Variants in MED13L observed in about 807,000 individuals in gnomAD.
MED13L encodes mediator complex subunit 13L, also known as mediator of RNA polymerase II transcription subunit 13-like.
A neutral mutation model predicts 220.9 loss-of-function variants in MED13L; 7 were observed. That is an observed-to-expected ratio of 0.03 (90% CI 0.02 to 0.06). The LOEUF (loss-of-function observed/expected upper bound fraction) is 0.06. Ranked by LOEUF, MED13L falls within the 10% of genes least tolerant of loss-of-function variation. The pLI, the probability that MED13L is intolerant of heterozygous loss-of-function variation, is 1.00. For synonymous variants in MED13L, 1,011 were observed against 1,015.2 expected, an observed-to-expected ratio of 1.00 and a Z score of 0.08; for missense variants, 1,965 against 2,760.5, an observed-to-expected ratio of 0.71 and a Z score of 6.46.
chr12:116,157,138 C>A (rs1210562869), intron 2 of MED13L, among the ~76,000 whole-genome samples: 1 of 152,126 alleles, frequency 6.6e-6, no homozygotes, highest in Non-Finnish European at 1.5e-5. Flanking sequence ...AATCAAAAAA[C>A]TTTTTCATCT....
At chr12:116,214,220 T>C (rs994317811) in intron 2 of MED13L, among the ~76,000 whole-genome samples, 1 of 152,324 alleles carries the variant, frequency 6.6e-6, no homozygotes, top group African/African-American at 2.4e-5. Context: ...AACTTTTCAC[T>C]TTTTCATCGA....
chr12:116,010,779 T>C (rs1290572169), intron 9 of MED13L, among the ~76,000 whole-genome samples: 1 of 152,036 alleles, frequency 6.6e-6, no homozygotes. Context: ...ACAGATTACA[T>C]CTAACAAGTC....
chr12:115,999,095 G>C (rs951304534), intron 14 of MED13L, among the ~76,000 whole-genome samples: 1 of 152,058 alleles, frequency 6.6e-6, no homozygotes, highest in Non-Finnish European at 1.5e-5. Flanking sequence ...TTAAAACAAA[G>C]CCAAGATCTT....
chr12:116,193,258 C>G (rs572967579), intron 2 of MED13L, among the ~76,000 whole-genome samples: 15 of 152,292 alleles, frequency 9.8e-5, no homozygotes, highest in Non-Finnish European at 1.9e-4. Context: ...CTGCAGTGAG[C>G]TACGATCATG....
chr12:115,974,495 G>A (rs1876801163), intron 25 of MED13L, among the ~76,000 whole-genome samples: 1 of 152,194 alleles, frequency 6.6e-6, no homozygotes, highest in Non-Finnish European at 1.5e-5. Flanking sequence ...GATAGTAAAT[G>A]AGCTGGGCTC....
At chr12:116,108,311 C>T (rs999256013) in intron 3 of MED13L, among the ~76,000 whole-genome samples, 33 of 146,670 alleles carry the variant, frequency 2.2e-4, no homozygotes, top group Admixed American at 1.4e-4. Context: ...TTTGGCTTCC[C>T]TGTGTCTCAT....
At chr12:116,031,718 A>C (rs1415563092) in intron 4 of MED13L, among the ~76,000 whole-genome samples, 1 of 79,200 alleles carries the variant, frequency 1.3e-5, no homozygotes, top group Non-Finnish European at 2.3e-5. Flanking sequence ...AAGAAAAGAA[A>C]AGAAAAGAAA....
chr12:116,008,339 A>T, intron 10 of MED13L, 62 bp downstream of exon 10: 1 of 1,533,824 alleles, frequency 6.5e-7, no homozygotes, highest in East Asian at 2.3e-5. Flanking sequence ...TAGCAGGTAG[A>T]GATGGGGAGG....
At chr12:115,990,349 G>C (rs985584782) in intron 17 of MED13L, among the ~76,000 whole-genome samples, 2 of 152,126 alleles carry the variant, frequency 1.3e-5, no homozygotes, top group African/African-American at 2.4e-5. Context: ...TTTAATTGAT[G>C]TCCACTTCCA....
chr12:116,098,042 C>T (rs988360453), intron 3 of MED13L, among the ~76,000 whole-genome samples: 4 of 152,044 alleles, frequency 2.6e-5, no homozygotes, highest in Non-Finnish European at 4.4e-5. Context: ...GTCAGGAGTT[C>T]GAGACTAGCC....
intron 1 of MED13L, among the ~76,000 whole-genome samples, chr12:116,239,339 A>G (rs1870397435): frequency 1.3e-5 from 2 of 152,186 alleles, no homozygotes; most frequent in Admixed American, 1.3e-4. Flanking sequence ...ATATAAAAGC[A>G]CTACATGGCC....
chr12:116,097,754 G>GT (rs1051087270), intron 3 of MED13L, among the ~76,000 whole-genome samples: 2 of 152,082 alleles, frequency 1.3e-5, no homozygotes, highest in Non-Finnish European at 1.5e-5. Flanking sequence ...ATTCTAACAT[G>GT]TTTTTTTGAA....
chr12:116,062,491 T>G (rs1009555315), intron 4 of MED13L, among the ~76,000 whole-genome samples: 210 of 143,828 alleles, frequency 1.5e-3, no homozygotes, highest in African/African-American at 4.4e-3. Flanking sequence ...TCTCTGTGTT[T>G]TTTTTTTTTT....
At chr12:115,966,055 A>G in intron 29 of MED13L, 27 bp downstream of exon 29, 2 of 1,612,900 alleles carry the variant, frequency 1.2e-6, no homozygotes, top group Non-Finnish European at 1.7e-6. Flanking sequence ...CATTCCTTGC[A>G]AACTTCTAAT....
chr12:115,972,839 A>C (rs1456246656), intron 25 of MED13L, among the ~76,000 whole-genome samples: 1 of 152,188 alleles, frequency 6.6e-6, no homozygotes, highest in Non-Finnish European at 1.5e-5. Context: ...TATTGCCTCC[A>C]AACAAAAGCA....
At chr12:115,982,229 A>C in intron 22 of MED13L, 155 bp downstream of exon 22, 1 of 746,058 alleles carries the variant, frequency 1.3e-6, no homozygotes, top group Non-Finnish European at 2.2e-6. Flanking sequence ...ATATTCCAAA[A>C]TCGGAAATCC....
chr12:115,984,835 G>C (rs1481001253), intron 19 of MED13L, among the ~76,000 whole-genome samples: 1 of 151,758 alleles, frequency 6.6e-6, no homozygotes. Context: ...ACCAATAGCA[G>C]GGGCCACTGA....
intron 3 of MED13L, among the ~76,000 whole-genome samples, chr12:116,110,888 G>C (rs936922036): frequency 1.3e-5 from 2 of 151,224 alleles, no homozygotes; most frequent in Non-Finnish European, 3.0e-5. Context: ...TCAATGTCAA[G>C]AAAGAAAAAA....
At chr12:116,089,497 T>C (rs1216797833) in intron 4 of MED13L, among the ~76,000 whole-genome samples, 3 of 152,214 alleles carry the variant, frequency 2.0e-5, no homozygotes, top group South Asian at 2.1e-4. Context: ...AGTATCCTTT[T>C]AGGATTAGTA....
Sources: gnomAD v4.1 joint callset for allele counts (sites outside exome capture counted in the v4.1 genomes callset) on GRCh38, gnomAD v4.1.1 for gene constraint, MANE v1.5 for transcripts, NCBI Gene and HGNC (gene_info 2026-07-23, HGNC 2026-07-21) for gene names.